The following NPY2R variants were observed in gnomAD, a reference collection of about 807,000 sequenced individuals.
NPY2R encodes the protein neuropeptide Y receptor Y2.
Under a neutral mutation model 22.3 loss-of-function variants are expected in NPY2R, and 17 were observed. The observed-to-expected ratio is 0.76, with a 90% CI of 0.52 to 1.14. The LOEUF (loss-of-function observed/expected upper bound fraction) is 1.14. NPY2R is among the 50% of genes most tolerant of loss of function. NPY2R has a pLI of 0.00. For missense variants in NPY2R, 424 were observed against 467.9 expected (o/e 0.91, Z 0.87); for synonymous variants, 209 against 183.4 (o/e 1.14, Z -1.13).
At chr4:155,176,886 A>G in the NPY2R span, among the ~76,000 whole-genome samples, 3 of 152,158 alleles carry the variant, frequency 2.0e-5, no homozygotes, top group Admixed American at 6.5e-5. Context: ...AGAAGGGACA[A>G]AGCGGGAGGA....
At position 155,214,971 on chromosome 4, in the gene NPY2R, G is replaced by A. The variant is rs1354196396; in HGVS notation, c.1032G>A (p.Gln344=). ...TCCTCTCGGCCTTCCGCTGTGAGCA[G>A]CGGTTGGATGCCATTCACTCTGAGG... The part of the protein sequence containing the change: ...KAFLSAFRCE[Q]RLDAIHSEVS... Residue 344 remains glutamine, a synonymous_variant, in exon 2 of 2, where the codon CAG becomes CAA. Transcript: ENST00000329476. 9 of 1,614,214 alleles carry A rather than the reference G, an allele frequency of 5.6e-6. No individual in the cohort carries two copies. Among genetic ancestry groups the A allele is most frequent in the Non-Finnish European group, 7.6e-6 (9 of 1,180,042 alleles).
chr4:155,186,676 A>ACAG, the NPY2R span, among the ~76,000 whole-genome samples: 2 of 152,154 alleles, frequency 1.3e-5, no homozygotes, highest in African/African-American at 4.8e-5. Flanking sequence ...ATCATGATAC[A>ACAG]CAGTAGATCT....
rs905756661 is a variant in NPY2R, at chr4:155,208,899, C to G, written c.-219C>G. The G allele has an allele frequency of 6.6e-6, 1 of 152,130 alleles. No homozygotes were observed. The highest frequency in any genetic ancestry group is 2.4e-5 in the African/African-American group (1 of 41,428). The allele number at this position is 152,130 out of a possible 1,614,324, so 9.4% of individuals were successfully genotyped here. ...AACCGCCCAGCCGCTCTGACTGCTC[C>G]GGCTGCCCGCCCGCGCGGCGCGGGC... On this transcript the variant is annotated 5_prime_UTR_variant, in exon 1 of 2. Coordinates refer to ENST00000329476, the MANE Select transcript of NPY2R (RefSeq NM_000910.4). The surrounding 1 kb of genome is among the most constrained non-coding windows in gnomAD (Gnocchi z 5.6).
At chr4:155,174,461 T>TC in the NPY2R span, among the ~76,000 whole-genome samples, 44 of 95,190 alleles carry the variant, frequency 4.6e-4, no homozygotes, top group African/African-American at 2.3e-3. Context: ...TTGGCTAAGC[T>TC]TTATATATAT....
rs973610237 is a variant in NPY2R, at chr4:155,216,909, C to G, written c.*1824C>G. 14 of 167,022 alleles carry G rather than the reference C, an allele frequency of 8.4e-5. No individual in the cohort carries two copies. Among genetic ancestry groups the G allele is most frequent in the African/African-American group, 3.4e-4 (14 of 41,448 alleles). 10.3% of individuals were successfully genotyped at this position (167,022 alleles called of 1,614,324 possible). A position where few individuals can be genotyped will look rare whatever the true frequency, so the allele number is the denominator to read the frequency against. ...CCCTCCCTCTTGGTGAATTATTACA[C>G]TGTAAGAAATGTATATGCTACTGTG... On this transcript the variant is annotated 3_prime_UTR_variant, in exon 2 of 2. Coordinates refer to ENST00000329476, the MANE Select transcript of NPY2R (RefSeq NM_000910.4).
At chr4:155,201,009 TTAAAG>T in the NPY2R span, among the ~76,000 whole-genome samples, 1 of 126,558 alleles carries the variant, frequency 7.9e-6, no homozygotes, top group Non-Finnish European at 1.6e-5. Context: ...ATCCTGGAAC[TTAAAG>T]TAAAATAAAA....
In NPY2R at chr4:155,216,967, A is replaced by AT. The variant is rs1729529619; in HGVS notation, c.*1882_*1883insT. 6.0e-6 allele frequency: 1 copy of AT among 167,030 alleles called. No homozygotes were observed. The highest frequency in any genetic ancestry group is 1.5e-5 in the Non-Finnish European group (1 of 68,116). 10.3% of individuals were successfully genotyped at this position (167,030 alleles called of 1,614,324 possible). Reference sequence around the variant, plus strand: ...TTGTATTAGTAAATTATTAGAATCCAATTAATGATTCAATTAACATATATC... The same window carrying AT: ...TTGTATTAGTAAATTATTAGAATCCATATTAATGATTCAATTAACATATATC... On this transcript the variant is annotated 3_prime_UTR_variant, in exon 2 of 2. Transcript: ENST00000329476.
At position 155,213,878 on chromosome 4, in the gene NPY2R, T is replaced by C. The variant is rs34528108; in HGVS notation, c.-48-14T>C. On this transcript the variant is annotated splice_polypyrimidine_tract_variant and intron_variant, in intron 1 of 1. Coordinates refer to ENST00000329476, the MANE Select transcript of NPY2R (RefSeq NM_000910.4). ...GTTGTTGTTGTTTTGTTTTATTTTG[T>C]TTTTTCTTTTTAGGTTGTAGACTCT... 1.5e-6 allele frequency: 2 copies of C among 1,367,652 alleles called. No homozygotes were observed. The highest frequency in any genetic ancestry group is 1.2e-5 in the South Asian group (1 of 85,822). The allele number at this position is 1,367,652 out of a possible 1,614,324, so 84.7% of individuals were successfully genotyped here.
chr4:155,174,083 T>C, the NPY2R span: 1 of 152,014 alleles, frequency 6.6e-6, no homozygotes, highest in Non-Finnish European at 1.5e-5. Context: ...GTGATTCATT[T>C]ACTCCATTTC....
At chr4:155,185,326 C>A in the NPY2R span, among the ~76,000 whole-genome samples, 51 of 152,146 alleles carry the variant, frequency 3.4e-4, no homozygotes, top group Non-Finnish European at 6.5e-4. Context: ...GCGTGAGCCA[C>A]CGCGCCCAGC....
the NPY2R span, among the ~76,000 whole-genome samples, chr4:155,182,460 C>G: frequency 2.0e-5 from 3 of 151,840 alleles, no homozygotes; most frequent in Admixed American, 2.0e-4. Context: ...GAAATGGGGC[C>G]CAGAGAAAGA....
intron 1 of NPY2R, among the ~76,000 whole-genome samples, chr4:155,211,817 G>A (rs1383903523): frequency 2.0e-5 from 3 of 152,170 alleles, no homozygotes; most frequent in African/African-American, 7.2e-5. Context: ...AAGGCCCCCG[G>A]AACAGGGACA....
rs1159957918 is a variant in NPY2R at position 155,214,175 on chromosome 4, A to G, written c.236A>G (p.Lys79Arg). Residue 79 changes from lysine (K) to arginine (R), a missense_variant, in exon 2 of 2, where the codon AAG (lysine) becomes AGG (arginine). Lys to Arg is a conservative substitution (Grantham distance 26). Transcript: ENST00000329476. ...GTGATCCATGTGGTGATCAAATTCA[A>G]GAGCATGCGCACAGTAACCAACTTT... ...SLVIHVVIKF[K>R]SMRTVTNFFI... 1 of 1,614,014 alleles carries G rather than the reference A, an allele frequency of 6.2e-7. No individual in the cohort carries two copies. The highest frequency in any genetic ancestry group is 1.3e-5 in the African/African-American group (1 of 74,944).
the NPY2R span, among the ~76,000 whole-genome samples, chr4:155,174,484 A>ATATATATATATATATGTATATT: frequency 1.9e-5 from 2 of 106,072 alleles, no homozygotes; most frequent in African/African-American, 9.0e-5. Context: ...ATATATATAT[A>ATATATATATATATATGTATATT]TTTTTTTTTT....
Position 155,215,324 on chromosome 4 carries a change from A to T in NPY2R, c.*239A>T, listed in dbSNP as rs188132230. ...AGTTGGTTGGGTAGTAGGTTGCATTATGAGTAAAAGCAGAGAGAAGTACTT... is the reference window on the plus strand; with the variant it reads ...AGTTGGTTGGGTAGTAGGTTGCATTTTGAGTAAAAGCAGAGAGAAGTACTT... On this transcript the variant is annotated 3_prime_UTR_variant, in exon 2 of 2. Transcript: ENST00000329476. The T allele has an allele frequency of 1.7e-6, 1 of 599,946 alleles. No homozygotes were observed. Among genetic ancestry groups the T allele is most frequent in the East Asian group, 2.9e-5 (1 of 34,158 alleles). 37.2% of individuals were successfully genotyped at this position (599,946 alleles called of 1,614,324 possible). A position where few individuals can be genotyped will look rare whatever the true frequency, so the allele number is the denominator to read the frequency against.
chr4:155,189,583 A>C, the NPY2R span, among the ~76,000 whole-genome samples: 1 of 152,010 alleles, frequency 6.6e-6, no homozygotes, highest in African/African-American at 2.4e-5. Flanking sequence ...TGAATCTTTT[A>C]AAGTAGCATT....
upstream of NPY2R, chr4:155,208,004 C>T: frequency 6.6e-6 from 1 of 152,378 alleles, no homozygotes; most frequent in Non-Finnish European, 1.5e-5. The surrounding 1 kb of genome is among the most constrained non-coding windows in gnomAD (Gnocchi z 5.6). Flanking sequence ...TCATGGGCAG[C>T]AGGATCTGAA....
At chr4:155,195,796 C>T in the NPY2R span, among the ~76,000 whole-genome samples, 12 of 151,990 alleles carry the variant, frequency 7.9e-5, no homozygotes, top group Middle Eastern at 3.4e-3. Context: ...ATGAACCACT[C>T]AGAGGCTTTA....
At chr4:155,174,580 A>G in the NPY2R span, among the ~76,000 whole-genome samples, 5 of 150,884 alleles carry the variant, frequency 3.3e-5, no homozygotes, top group African/African-American at 9.8e-5. Flanking sequence ...AACTTTTACT[A>G]TATAAGGCAT....
Sources: allele counts gnomAD v4.1 joint callset (sites outside exome capture counted in the v4.1 genomes callset), GRCh38; gene constraint gnomAD v4.1.1; non-coding constraint Gnocchi (gnomAD v3.1); transcripts MANE v1.5; gene names NCBI Gene and HGNC (gene_info 2026-07-23, HGNC 2026-07-21).